Variants in CST11 observed in about 807,000 individuals in gnomAD.
The protein encoded by CST11 is cystatin 11.
In CST11, 13 loss-of-function variants were observed where a neutral mutation model predicts 14.0. That is an observed-to-expected ratio of 0.93 (90% CI 0.60 to 1.47). CST11 has a LOEUF of 1.47. Among genes scored for constraint, CST11 ranks in the 40% most tolerant of loss-of-function variants. The pLI is 0.00. For missense variants in CST11, 181 were observed against 160.0 expected (o/e 1.13, Z -0.71); for synonymous variants, 64 against 57.8 (o/e 1.11, Z -0.48).
At chr20:23,451,976 GT>G (rs980140953) in intron 1 of CST11, 56 bp from the exon 2 acceptor site, 1 of 1,387,044 alleles carries the variant, frequency 7.2e-7, no homozygotes, top group African/African-American at 1.5e-5. Context: ...CCTGTCTGCG[GT>G]TTCTGTGCCT....
intron 1 of CST11, 111 bp downstream of exon 1, chr20:23,452,473 C>T: frequency 1.3e-6 from 1 of 751,344 alleles, no homozygotes; most frequent in South Asian, 1.6e-5. Flanking sequence ...AAAGTGCTCA[C>T]ATCAAGCTAA....
rs1987107110 is a variant in CST11, at chr20:23,452,033, G to A, written c.229-113C>T. ...TCCAAGGGCAAGGAGCTGGTCCTAG[G>A]CGGATTAGCGGGCTCCTCTCTCCTC... is the stretch of plus-strand genomic sequence containing the variant. On this transcript the variant is annotated intron_variant, in intron 1 of 2. Coordinates refer to ENST00000377009, the MANE Select transcript of CST11 (RefSeq NM_130794.2). The A allele has an allele frequency of 4.5e-6, 3 of 670,928 alleles. No individual in the cohort carries two copies. The Admixed American group carries it at 7.8e-5, about 17-fold the overall frequency. The allele number at this position is 670,928 out of a possible 1,614,324, so 41.6% of individuals were successfully genotyped here. A position where few individuals can be genotyped will look rare whatever the true frequency, so the allele number is the denominator to read the frequency against.
At position 23,451,845 on chromosome 20, in the gene CST11, A is replaced by T. The variant is rs1247816770; in HGVS notation, c.304T>A (p.Cys102Ser). ...TTCQKPETTNCVPQERELHKQ... is the reference protein window; with the variant it reads ...TTCQKPETTNSVPQERELHKQ... ...TGAAGCTCCCTTTCCTGGGGGACAC[A>T]GTTCGTGGTCTCTGGCTTTTGGCAG... The change falls in exon 2 of 3, where the codon TGT becomes AGT. Residue 102 changes from cysteine (C) to serine (S), a missense_variant. Physicochemically the swap from Cys to Ser is moderately radical, Grantham distance 112. Transcript: ENST00000377009. 2.5e-6 allele frequency: 4 copies of T among 1,613,988 alleles called. No individual in the cohort carries two copies. The highest frequency in any genetic ancestry group is 2.7e-5 in the African/African-American group (2 of 74,950).
intron 2 of CST11, 121 bp downstream of exon 2, chr20:23,451,695 T>C (rs1406324812): frequency 1.5e-6 from 1 of 663,140 alleles, no homozygotes; most frequent in African/African-American, 1.9e-5. Context: ...GTGTTACCCA[T>C]GCATTCTTTT....
Position 23,452,686 on chromosome 20 carries a change from G to A in CST11, c.126C>T (p.Asn42=). The A allele has an allele frequency of 6.2e-7, 1 of 1,614,036 alleles. No individual in the cohort carries two copies. Among genetic ancestry groups the A allele is most frequent in the Non-Finnish European group, 8.5e-7 (1 of 1,179,914 alleles). Residue 42 remains asparagine, a synonymous_variant, in exon 1 of 3, where the codon AAC becomes AAT. Coordinates refer to ENST00000377009, the MANE Select transcript of CST11 (RefSeq NM_130794.2). ...TCCACTGCAAGCTGTCCTTCGCATA[G>A]TTTTCTACTGCCATCACTTCATGGA... The part of the protein sequence containing the change: ...LSVHEVMAVE[N]YAKDSLQWIT...
chr20:23,451,974 C>A (rs537611679), intron 1 of CST11, 54 bp from the exon 2 acceptor site: 1 of 1,402,980 alleles, frequency 7.1e-7, no homozygotes, highest in East Asian at 2.3e-5. Context: ...CCCCTGTCTG[C>A]GGTTTCTGTG....
chr20:23,452,030 T>C (rs1987106846), intron 1 of CST11, 110 bp from the exon 2 acceptor site: 1 of 701,870 alleles, frequency 1.4e-6, no homozygotes, highest in Non-Finnish European at 2.5e-6. Flanking sequence ...GAGCTGGTCC[T>C]AGGCGGATTA....
At chr20:23,450,721 A>G in intron 2 of CST11, 132 bp from the exon 3 acceptor site, 1 of 541,370 alleles carries the variant, frequency 1.8e-6, no homozygotes, top group South Asian at 3.0e-5. Context: ...ATTTGACCAC[A>G]AACAGAAGGA....
rs1987070236 is a variant in CST11 at position 23,450,953 on chromosome 20, C to T, written c.334-364G>A. ...TTATTCATCCACCCATTCTTCCAAC[C>T]ATCTATTTATCCCTCCATTCATCTA... On this transcript the variant is annotated intron_variant, in intron 2 of 2. Coordinates refer to ENST00000377009, the MANE Select transcript of CST11 (RefSeq NM_130794.2). Among the ~76,000 whole-genome samples, 4 of 151,988 alleles carry T rather than the reference C, an allele frequency of 2.6e-5. No homozygotes were observed. The South Asian group carries it at 8.3e-4, about 32-fold the overall frequency.
chr20:23,452,107 C>T (rs1332744248), intron 1 of CST11, among the ~76,000 whole-genome samples, 187 bp from the exon 2 acceptor site: 1 of 152,216 alleles, frequency 6.6e-6, no homozygotes, highest in Admixed American at 6.5e-5. Flanking sequence ...TAACCAGAAA[C>T]CATCAGAAAC....
rs1263984166 is a variant in CST11, at chr20:23,450,579, C to A, written c.344G>T (p.Cys115Phe). 2 of 1,607,164 alleles carry A rather than the reference C, an allele frequency of 1.2e-6. No homozygotes were observed. The highest frequency in any genetic ancestry group is 1.7e-6 in the Non-Finnish European group (2 of 1,175,538). Reference sequence around the variant, plus strand: ...GGGTACAGCAAACACTGAGAAGAAGCAGTTGACTTGCTAAAACAAAAAACA... The same window carrying A: ...GGGTACAGCAAACACTGAGAAGAAGAAGTTGACTTGCTAAAACAAAAAACA... ...QERELHKQVN[C>F]FFSVFAVPWF... Residue 115 changes from cysteine to phenylalanine, a missense_variant, in exon 3 of 3, where the codon TGC (cysteine) becomes TTC (phenylalanine). Transcript: ENST00000377009.
rs920133009 is a variant in CST11 at position 23,451,926 on chromosome 20, G to A, written c.229-6C>T. ...TACTCCAGGTGGTCAGTGACCTGTGGGCGCCAGGCGTGGGGGAGGCACAGC... is the reference window on the plus strand; with the variant it reads ...TACTCCAGGTGGTCAGTGACCTGTGAGCGCCAGGCGTGGGGGAGGCACAGC... On this transcript the variant is annotated splice_region_variant and splice_polypyrimidine_tract_variant and intron_variant, in intron 1 of 2. Coordinates refer to ENST00000377009, the MANE Select transcript of CST11 (RefSeq NM_130794.2). 9.3e-6 allele frequency: 15 copies of A among 1,609,684 alleles called. No homozygotes were observed. The highest frequency in any genetic ancestry group is 1.6e-4 in the Middle Eastern group (1 of 6,076).
chr20:23,450,479 T>C lies in CST11; in HGVS notation c.*27A>G, dbSNP rs370304815. The stretch of plus-strand genomic sequence containing the variant: ...CATTGCAGGATTCTCTCACATGCAG[T>C]GGCCGCAGTTGTACACTCCAGGACA... On this transcript the variant is annotated 3_prime_UTR_variant, in exon 3 of 3. Coordinates refer to ENST00000377009, the MANE Select transcript of CST11 (RefSeq NM_130794.2). 52 of 1,501,734 alleles carry C rather than the reference T, an allele frequency of 3.5e-5. No homozygotes were observed. Among genetic ancestry groups the C allele is most frequent in the Non-Finnish European group, 4.5e-5 (49 of 1,096,150 alleles). The allele number at this position is 1,501,734 out of a possible 1,614,324, so 93.0% of individuals were successfully genotyped here.
intron 1 of CST11, among the ~76,000 whole-genome samples, 189 bp from the exon 2 acceptor site, chr20:23,452,109 A>G (rs1987109856): frequency 6.6e-6 from 1 of 152,256 alleles, no homozygotes; most frequent in Non-Finnish European, 1.5e-5. Flanking sequence ...ACCAGAAACC[A>G]TCAGAAACAT....
In CST11 at chr20:23,451,842, C is replaced by T. The variant is rs143205954; in HGVS notation, c.307G>A (p.Val103Ile). The change falls in exon 2 of 3, where the codon GTC (valine) becomes ATC (isoleucine). Residue 103 changes from valine to isoleucine, a missense_variant. By Grantham distance (29) the Val-to-Ile change is conservative. Coordinates refer to ENST00000377009, the MANE Select transcript of CST11 (RefSeq NM_130794.2). Reference protein sequence around the residue: ...TCQKPETTNCVPQERELHKQV... With the variant: ...TCQKPETTNCIPQERELHKQV... ...TTGTGAAGCTCCCTTTCCTGGGGGA[C>T]ACAGTTCGTGGTCTCTGGCTTTTGG... 2.0e-4 allele frequency: 317 copies of T among 1,614,038 alleles called. 1 individual carries two copies. The African/African-American group carries it at 3.7e-3, about 19-fold the overall frequency.
At position 23,450,722 on chromosome 20, in the gene CST11, A is replaced by T. The variant is rs756720064; in HGVS notation, c.334-133T>A. Reference sequence around the variant, plus strand: ...ACCCCTACAATCCTATTTGACCACAAACAGAAGGACATTTTCTGGAATGAT... The same window carrying T: ...ACCCCTACAATCCTATTTGACCACATACAGAAGGACATTTTCTGGAATGAT... On this transcript the variant is annotated intron_variant, in intron 2 of 2. Transcript: ENST00000377009. 1.1e-4 allele frequency: 59 copies of T among 540,774 alleles called. No individual in the cohort carries two copies. The Middle Eastern group carries it at 1.5e-3, about 14-fold the overall frequency. 33.5% of individuals were successfully genotyped at this position (540,774 alleles called of 1,614,324 possible). A position where few individuals can be genotyped will look rare whatever the true frequency, so the allele number is the denominator to read the frequency against.
chr20:23,450,520 A>G lies in CST11; in HGVS notation c.403T>C (p.Cys135Arg). Reference sequence around the variant, plus strand: ...CTCCAGGACACCTAGTCACTGCTGCAGCTTTTGTTCAAAATTTTGTACTGT... The same window carrying G: ...CTCCAGGACACCTAGTCACTGCTGCGGCTTTTGTTCAAAATTTTGTACTGT... ...FEQYKILNKS[C>R]SSD The change falls in exon 3 of 3, where the codon TGC (cysteine) becomes CGC (arginine). Residue 135 changes from cysteine to arginine, a missense_variant. Physicochemically the swap from Cys to Arg is radical, Grantham distance 180 (BLOSUM62 -3). Coordinates refer to ENST00000377009, the MANE Select transcript of CST11 (RefSeq NM_130794.2). 3 of 1,611,798 alleles carry G rather than the reference A, an allele frequency of 1.9e-6. No homozygotes were observed. The highest frequency in any genetic ancestry group is 1.7e-6 in the Non-Finnish European group (2 of 1,178,106).
chr20:23,451,736 C>G, intron 2 of CST11, 80 bp downstream of exon 2: 1 of 1,017,020 alleles, frequency 9.8e-7, no homozygotes, highest in Non-Finnish European at 1.5e-6. Flanking sequence ...CCAATTAATT[C>G]TTCCCAACTC....
chr20:23,450,584 G>T lies in CST11; in HGVS notation c.339C>A (p.Val113=). Residue 113 remains valine, a synonymous_variant, in exon 3 of 3, where the codon GTC becomes GTA. Transcript: ENST00000377009. ...VPQERELHKQ[V]NCFFSVFAVP... ...CAGCAAACACTGAGAAGAAGCAGTT[G>T]ACTTGCTAAAACAAAAAACAAAGGC... The T allele has an allele frequency of 6.2e-7, 1 of 1,606,830 alleles. No homozygotes were observed.
Sources: gnomAD v4.1 joint callset for allele counts (sites outside exome capture counted in the v4.1 genomes callset) on GRCh38, gnomAD v4.1.1 for gene constraint, MANE v1.5 for transcripts, NCBI Gene and HGNC (gene_info 2026-07-23, HGNC 2026-07-21) for gene names.